The following IGF2BP1 variants were observed in gnomAD, a reference collection of about 807,000 sequenced individuals.
IGF2BP1 encodes insulin like growth factor 2 mRNA binding protein 1.
IGF2BP1 carries 11 observed loss-of-function variants against 74.9 expected under a neutral mutation model. That is an observed-to-expected ratio of 0.15 (90% CI 0.09 to 0.24). The LOEUF is 0.24. IGF2BP1 is among the 10% of genes least tolerant of loss of function. IGF2BP1 has a pLI of 1.00. For synonymous variants in IGF2BP1, 287 were observed against 281.8 expected (o/e 1.02, Z -0.18); for missense variants, 440 against 757.4 (o/e 0.58, Z 4.92).
chr17:49,014,744 G>T (rs1277900877), intron 2 of IGF2BP1: 2 of 984,898 alleles, frequency 2.0e-6, no homozygotes, highest in East Asian at 2.3e-4. Flanking sequence ...ACGCTTGCGG[G>T]GCTGGTGCCC....
At chr17:49,024,834 C>T (rs1312199058) in intron 2 of IGF2BP1, among the ~76,000 whole-genome samples, 4 of 152,168 alleles carry the variant, frequency 2.6e-5, no homozygotes, top group Admixed American at 1.3e-4. Context: ...TGTGTGTCTC[C>T]AGCATCTGGA....
intron 2 of IGF2BP1, among the ~76,000 whole-genome samples, chr17:49,019,950 T>TATATATATATATATA (rs1567815917): frequency 1.2e-4 from 3 of 24,184 alleles, no homozygotes; most frequent in Non-Finnish European, 2.2e-4. Context: ...ATATATATAT[T>TATATATATATATATA]TATATACACA....
intron 2 of IGF2BP1, among the ~76,000 whole-genome samples, chr17:49,009,565 C>T (rs922847505): frequency 7.3e-5 from 11 of 150,860 alleles, no homozygotes; most frequent in African/African-American, 1.7e-4. Flanking sequence ...AAAAATTAGC[C>T]GAGCGTGGTA....
intron 2 of IGF2BP1, among the ~76,000 whole-genome samples, chr17:49,022,138 T>C (rs1329990961): frequency 6.6e-6 from 1 of 151,948 alleles, no homozygotes; most frequent in Non-Finnish European, 1.5e-5. Context: ...AGGTTCAGAG[T>C]GAAGAAGTAA....
chr17:49,024,886 A>G (rs1402628641), intron 2 of IGF2BP1, among the ~76,000 whole-genome samples: 1 of 152,204 alleles, frequency 6.6e-6, no homozygotes, highest in Non-Finnish European at 1.5e-5. Context: ...AATGGTTGTT[A>G]GATTAATTAA....
Position 49,026,380 on chromosome 17 carries a change from G to T in IGF2BP1, c.286-86G>T. On this transcript the variant is annotated intron_variant, in intron 3 of 14. Coordinates refer to ENST00000290341, the MANE Select transcript of IGF2BP1 (RefSeq NM_006546.4). Reference sequence around the variant, plus strand: ...CCTATGGCTCTGTCAATGCCCGATTGCTTTGGGATGCAGGGTGTCCAGTGG... The same window carrying T: ...CCTATGGCTCTGTCAATGCCCGATTTCTTTGGGATGCAGGGTGTCCAGTGG... 1.2e-5 allele frequency: 14 copies of T among 1,175,126 alleles called. No homozygotes were observed. In the South Asian group the frequency reaches 1.6e-4, roughly 13 times the overall value. 72.8% of individuals were successfully genotyped at this position (1,175,126 alleles called of 1,614,324 possible). A position where few individuals can be genotyped will look rare whatever the true frequency, so the allele number is the denominator to read the frequency against.
intron 3 of IGF2BP1, 110 bp downstream of exon 3, chr17:49,025,776 G>A: frequency 1.2e-6 from 1 of 835,386 alleles, no homozygotes; most frequent in Non-Finnish European, 2.0e-6. Flanking sequence ...GGCCAGGCTA[G>A]GGAGGCCTGG....
chr17:49,048,256 C>CTT (rs1006855451), intron 14 of IGF2BP1, among the ~76,000 whole-genome samples: 2 of 142,272 alleles, frequency 1.4e-5, no homozygotes, highest in African/African-American at 2.6e-5. Context: ...TTTATTTTTA[C>CTT]TTTTTTTTTT....
rs2042060238 is a variant in IGF2BP1, at chr17:49,042,232, TTTC to T, written c.942-8_942-6del. 3.1e-6 allele frequency: 5 copies of T among 1,614,198 alleles called. No homozygotes were observed. Among genetic ancestry groups the T allele is most frequent in the Non-Finnish European group, 4.2e-6 (5 of 1,180,014 alleles). On this transcript the variant is annotated splice_polypyrimidine_tract_variant and splice_region_variant and intron_variant, in intron 8 of 14. Coordinates refer to ENST00000290341, the MANE Select transcript of IGF2BP1 (RefSeq NM_006546.4). ...CCAGTGAAAGGACACAACTCTGCTC[TTTC>T]TGCCAGGTTGCAAGACCTTACCCTT...
intron 4 of IGF2BP1, among the ~76,000 whole-genome samples, 166 bp downstream of exon 4, chr17:49,026,683 TCCTGCCTTCCTG>T (rs1567818986): frequency 2.1e-5 from 2 of 97,142 alleles, no homozygotes; most frequent in African/African-American, 3.0e-5. Context: ...CTTCCTGCCT[TCCTGCCTTCCTG>T]CCTTCCTGCC....
intron 4 of IGF2BP1, among the ~76,000 whole-genome samples, chr17:49,030,246 GTTC>G (rs1449026392): frequency 6.6e-6 from 1 of 150,842 alleles, no homozygotes; most frequent in Non-Finnish European, 1.5e-5. Flanking sequence ...GGTTGAAGCA[GTTC>G]TTCTGTCTCA....
At chr17:49,028,494 C>T (rs1045502215) in intron 4 of IGF2BP1, among the ~76,000 whole-genome samples, 2 of 152,300 alleles carry the variant, frequency 1.3e-5, no homozygotes, top group Admixed American at 1.3e-4. Flanking sequence ...AACTACTGCC[C>T]AGTACTGTTC....
chr17:48,998,976 C>T (rs1483443494), intron 1 of IGF2BP1, 133 bp from the exon 2 acceptor site: 3 of 633,030 alleles, frequency 4.7e-6, no homozygotes, highest in South Asian at 1.9e-5. Flanking sequence ...GATGCGGAAG[C>T]CACTGCCTGG....
rs2042177123 is a variant in IGF2BP1 at position 49,052,331 on chromosome 17, AT to A, written c.*2888del. ...TTTCCAGCAGCAAGCATGCTTTGAT[AT>A]CTGGTTCAGACTATCATCAGGAAGA... On this transcript the variant is annotated 3_prime_UTR_variant, in exon 15 of 15. Coordinates refer to ENST00000290341, the MANE Select transcript of IGF2BP1 (RefSeq NM_006546.4). 6.6e-6 allele frequency: 1 copy of A among 152,192 alleles called. No individual in the cohort carries two copies. Among genetic ancestry groups the A allele is most frequent in the Admixed American group, 6.5e-5 (1 of 15,282 alleles). 9.4% of individuals were successfully genotyped at this position (152,192 alleles called of 1,614,324 possible).
intron 2 of IGF2BP1, among the ~76,000 whole-genome samples, chr17:49,018,612 T>A (rs1448624001): frequency 6.6e-6 from 1 of 152,140 alleles, no homozygotes; most frequent in Non-Finnish European, 1.5e-5. Context: ...AAAGTGCATT[T>A]TTCTGGTGGA....
intron 6 of IGF2BP1, 98 bp from the exon 7 acceptor site, chr17:49,039,859 G>T (rs1314456943): frequency 9.9e-6 from 13 of 1,316,770 alleles, no homozygotes; most frequent in Middle Eastern, 5.3e-4. Flanking sequence ...AGAAGAGCAG[G>T]TTCTATGCCT....
At chr17:48,999,585 A>G (rs981925998) in intron 2 of IGF2BP1, among the ~76,000 whole-genome samples, 1 of 152,060 alleles carries the variant, frequency 6.6e-6, no homozygotes, top group African/African-American at 2.4e-5. Context: ...TTTCCACACC[A>G]TAATTCTTAA....
At chr17:49,019,904 T>TTATACATA (rs2041756975) in intron 2 of IGF2BP1, among the ~76,000 whole-genome samples, 1 of 43,910 alleles carries the variant, frequency 2.3e-5, no homozygotes, top group African/African-American at 8.3e-5. Flanking sequence ...CCTGGCTAAT[T>TTATACATA]TATATATATA....
At position 49,055,620 on chromosome 17, in the gene IGF2BP1, C is replaced by G; in HGVS notation, c.*6176C>G. On this transcript the variant is annotated 3_prime_UTR_variant, in exon 15 of 15. Transcript: ENST00000290341. ...ATGAATTTCAGCAGATTATGTGTTA[C>G]CATAATGAATAAACGTCCTCTATCA... 1 of 398,576 alleles carries G rather than the reference C, an allele frequency of 2.5e-6. No homozygotes were observed. Among genetic ancestry groups the G allele is most frequent in the Non-Finnish European group, 4.4e-6 (1 of 226,054 alleles). The allele number at this position is 398,576 out of a possible 1,614,324, so 24.7% of individuals were successfully genotyped here.
Sources: gnomAD v4.1 joint callset for allele counts (sites outside exome capture counted in the v4.1 genomes callset) on GRCh38, gnomAD v4.1.1 for gene constraint, MANE v1.5 for transcripts, NCBI Gene and HGNC (gene_info 2026-07-23, HGNC 2026-07-21) for gene names.